TTC29: variants seen among roughly 807,000 people sequenced by gnomAD.
TTC29 encodes the protein tetratricopeptide repeat domain 29.
A neutral mutation model predicts 58.1 loss-of-function variants in TTC29; 49 were observed. The observed-to-expected ratio is 0.84, with a 90% CI of 0.67 to 1.07. The LOEUF (loss-of-function observed/expected upper bound fraction) is 1.07. Ranked by LOEUF, TTC29 falls within the 50% of genes least tolerant of loss-of-function variation. The pLI is 0.00. For synonymous variants in TTC29, 209 were observed against 196.8 expected, an observed-to-expected ratio of 1.06 and a Z score of -0.52; for missense variants, 582 against 555.6, an observed-to-expected ratio of 1.05 and a Z score of -0.48.
In TTC29 at chr4:146,771,158, CA is replaced by C. The variant is rs546673555; in HGVS notation, c.1330+32298del. On this transcript the variant is annotated intron_variant, in intron 11 of 12. Coordinates refer to ENST00000325106, the MANE Select transcript of TTC29 (RefSeq NM_031956.4). ...CACATTATATGAATATGCCCAGAAG[CA>C]GAGAGCTAAGCCTTCATTATTAAGA... Among the ~76,000 whole-genome samples, 77 of 152,188 alleles carry C rather than the reference CA, an allele frequency of 5.1e-4. No homozygotes were observed. The East Asian group carries it at 0.015, about 29-fold the overall frequency.
chr4:146,822,802 T>A (rs1385311347), intron 9 of TTC29, among the ~76,000 whole-genome samples: 1 of 152,240 alleles, frequency 6.6e-6, no homozygotes, highest in Non-Finnish European at 1.5e-5. Flanking sequence ...TCATTCTGAC[T>A]GGCGTGAGAT....
At chr4:146,737,593 G>GGGT (rs1744807548) in intron 11 of TTC29, among the ~76,000 whole-genome samples, 2 of 145,188 alleles carry the variant, frequency 1.4e-5, no homozygotes, top group African/African-American at 5.2e-5. Context: ...GTAGCCCTGG[G>GGGT]GGGGGGGGGG....
At position 146,926,100 on chromosome 4, in the gene TTC29, T is replaced by C. The variant is rs563445668; in HGVS notation, c.176+11494A>G. ...TAATCATTTATTTTACCTGTTACTA[T>C]CTTGTTTGAAAGAAAACTTAACGAG... On this transcript the variant is annotated intron_variant, in intron 4 of 12. Transcript: ENST00000325106. 9.2e-5 allele frequency among the ~76,000 whole-genome samples: 14 copies of C among 152,312 alleles called. No homozygotes were observed. The East Asian group carries it at 2.7e-3, about 29-fold the overall frequency.
intron 8 of TTC29, among the ~76,000 whole-genome samples, chr4:146,866,299 G>C (rs543916045): frequency 1.2e-3 from 187 of 151,884 alleles, no homozygotes; most frequent in African/African-American, 4.3e-3. Flanking sequence ...CTAAGTCCTT[G>C]CTTCCCAACA....
At chr4:146,860,850 C>T (rs143506623) in intron 8 of TTC29, among the ~76,000 whole-genome samples, 2 of 152,276 alleles carry the variant, frequency 1.3e-5, no homozygotes, top group South Asian at 2.1e-4. Flanking sequence ...AGGTCAACCA[C>T]ATCTACAAGT....
intron 11 of TTC29, among the ~76,000 whole-genome samples, chr4:146,793,212 T>TA (rs1749593935): frequency 6.6e-6 from 1 of 152,182 alleles, no homozygotes; most frequent in Non-Finnish European, 1.5e-5. Context: ...CTACAGTGGG[T>TA]AAAATGCTAT....
intron 4 of TTC29, among the ~76,000 whole-genome samples, chr4:146,912,952 G>A (rs1020602308): frequency 2.0e-5 from 3 of 152,166 alleles, no homozygotes; most frequent in African/African-American, 7.2e-5. Flanking sequence ...TTGGGTAATG[G>A]GTAATTAGTA....
intron 11 of TTC29, among the ~76,000 whole-genome samples, chr4:146,759,100 G>A: frequency 6.6e-6 from 1 of 151,956 alleles, no homozygotes; most frequent in East Asian, 1.9e-4. Flanking sequence ...GATTAACCAA[G>A]GAGAGAGAAA....
chr4:146,800,488 A>C (rs1750142806), intron 11 of TTC29, among the ~76,000 whole-genome samples: 1 of 152,190 alleles, frequency 6.6e-6, no homozygotes. Context: ...CTTTTCTTAG[A>C]AGAAAGGCAA....
chr4:146,781,032 T>C (rs1324168996), intron 11 of TTC29, among the ~76,000 whole-genome samples: 1 of 152,058 alleles, frequency 6.6e-6, no homozygotes, highest in Non-Finnish European at 1.5e-5. Context: ...AGAAAGGCAA[T>C]TGTATTATAC....
At chr4:146,795,724 T>C (rs965754858) in intron 11 of TTC29, among the ~76,000 whole-genome samples, 9 of 152,188 alleles carry the variant, frequency 5.9e-5, no homozygotes, top group Non-Finnish European at 8.8e-5. Flanking sequence ...TACAGTCATA[T>C]TGCTTCTTTT....
chr4:146,871,409 G>C (rs1730922619), intron 7 of TTC29, among the ~76,000 whole-genome samples: 1 of 151,836 alleles, frequency 6.6e-6, no homozygotes, highest in Non-Finnish European at 1.5e-5. Context: ...TTGCACTAGA[G>C]GTTCTAGTCA....
intron 11 of TTC29, among the ~76,000 whole-genome samples, chr4:146,793,952 C>T (rs1474625900): frequency 6.6e-6 from 1 of 152,126 alleles, no homozygotes; most frequent in Non-Finnish European, 1.5e-5. Flanking sequence ...GGCCTCAGGG[C>T]ATGGTCATCT....
intron 11 of TTC29, among the ~76,000 whole-genome samples, chr4:146,737,598 G>GGC (rs1561075056): frequency 1.3e-5 from 2 of 150,086 alleles, no homozygotes; most frequent in South Asian, 4.4e-4. Flanking sequence ...CCTGGGGGGG[G>GGC]GGGGGCTACA....
Position 146,707,480 on chromosome 4 carries a change from C to T in TTC29, c.1397+5G>A, listed in dbSNP as rs773255711. 2 of 1,605,496 alleles carry T rather than the reference C, an allele frequency of 1.2e-6. No homozygotes were observed. Among genetic ancestry groups the T allele is most frequent in the Admixed American group, 3.4e-5 (2 of 59,670 alleles). On this transcript the variant is annotated splice_donor_5th_base_variant and intron_variant, in intron 12 of 12. Transcript: ENST00000325106. ...AATAGAAACTTTTTACTTGATTTATCATACCTACTGAGTTCTTCCAAACGT... is the reference window on the plus strand; with the variant it reads ...AATAGAAACTTTTTACTTGATTTATTATACCTACTGAGTTCTTCCAAACGT...
intron 7 of TTC29, among the ~76,000 whole-genome samples, chr4:146,871,114 C>T (rs980553426): frequency 1.3e-5 from 2 of 151,884 alleles, no homozygotes; most frequent in African/African-American, 4.8e-5. Context: ...AAATCAGTAA[C>T]ATATAAGAAG....
chr4:146,939,904 A>G lies in TTC29; in HGVS notation c.-6-3T>C. On this transcript the variant is annotated splice_polypyrimidine_tract_variant and splice_region_variant and intron_variant, in intron 2 of 12. Coordinates refer to ENST00000325106, the MANE Select transcript of TTC29 (RefSeq NM_031956.4). ...GGGGGCAGGGTGGTCATTTCGGACT[A>G]CAAAAAGAAATAAGTAGAAATTGTA... The G allele has an allele frequency of 6.2e-7, 1 of 1,605,606 alleles. No homozygotes were observed. Among genetic ancestry groups the G allele is most frequent in the Non-Finnish European group, 8.5e-7 (1 of 1,177,126 alleles).
intron 11 of TTC29, among the ~76,000 whole-genome samples, chr4:146,715,911 AAAAAT>A (rs1448012790): frequency 1.3e-5 from 2 of 152,330 alleles, no homozygotes; most frequent in Admixed American, 1.3e-4. Flanking sequence ...TGTGTCAACT[AAAAAT>A]AAAAGGGAAA....
intron 11 of TTC29, among the ~76,000 whole-genome samples, chr4:146,784,817 T>G (rs80063168): frequency 4.6e-5 from 7 of 152,174 alleles, no homozygotes; most frequent in Admixed American, 4.6e-4. Context: ...AGTTTCTTTA[T>G]CTGAAAAAAT....
Sources: allele counts gnomAD v4.1 joint callset (sites outside exome capture counted in the v4.1 genomes callset), GRCh38; gene constraint gnomAD v4.1.1; transcripts MANE v1.5; gene names NCBI Gene and HGNC (gene_info 2026-07-23, HGNC 2026-07-21).